Variants in PAICS observed in about 807,000 individuals in gnomAD.
The protein encoded by PAICS is bifunctional phosphoribosylaminoimidazole carboxylase/phosphoribosylaminoimidazole succinocarboxamide synthetase.
Under a neutral mutation model 53.7 loss-of-function variants are expected in PAICS, and 33 were observed. The ratio of observed to expected loss-of-function variants is 0.61; its 90% CI spans 0.47 to 0.82. The LOEUF is 0.82. Among genes scored for constraint, PAICS ranks in the 40% least tolerant of loss-of-function variants. The probability of loss-of-function intolerance (pLI) is 0.00; values close to 1 mark genes in which losing one functional copy is unlikely to be tolerated. For synonymous variants in PAICS, 141 were observed against 167.2 expected (o/e 0.84, Z 1.21); for missense variants, 394 against 494.1 (o/e 0.80, Z 1.92).
intron 8 of PAICS, among the ~76,000 whole-genome samples, chr4:56,457,361 C>T (rs1386330327): frequency 1.3e-5 from 2 of 151,920 alleles, no homozygotes; most frequent in East Asian, 3.9e-4. Context: ...AGCAGTGAGC[C>T]GTGATTGCAC....
the PAICS span, chr4:56,419,676 G>A: frequency 1.0e-6 from 1 of 984,104 alleles, no homozygotes; most frequent in Non-Finnish European, 1.2e-6. Flanking sequence ...TGTAGCAAAT[G>A]AAGGAGGAAA....
At chr4:56,425,401 TA>T in the PAICS span, 1 of 927,242 alleles carries the variant, frequency 1.1e-6, no homozygotes, top group Non-Finnish European at 1.3e-6. Flanking sequence ...AACTTATTAC[TA>T]AAACTTCAGA....
At chr4:56,430,226 C>T in the PAICS span, among the ~76,000 whole-genome samples, 1 of 152,158 alleles carries the variant, frequency 6.6e-6, no homozygotes, top group Non-Finnish European at 1.5e-5. Context: ...CATATGTATG[C>T]ATTTCTGTTG....
chr4:56,441,592 T>G, intron 1 of PAICS, 71 bp from the exon 2 acceptor site: 1 of 610,632 alleles, frequency 1.6e-6, no homozygotes, highest in Non-Finnish European at 2.8e-6. Flanking sequence ...AGATTAATTG[T>G]TCTAGGTGAT....
At chr4:56,444,159 G>A (rs372779057) in intron 2 of PAICS, among the ~76,000 whole-genome samples, 1 of 151,990 alleles carries the variant, frequency 6.6e-6, no homozygotes, top group East Asian at 1.9e-4. Flanking sequence ...AAAGTAGAGA[G>A]GAAAGAGCAT....
rs1474104182 is a variant in PAICS, at chr4:56,448,462, T to A, written c.438T>A (p.Ile146=). ...CACAGTGGTCTGAGGAACAGCTGAT[T>A]GCTGCAAAATTTTGCTTTGCTGGAC... is the stretch of plus-strand genomic sequence containing the variant. The part of the protein sequence containing the change: ...NDPQWSEEQL[I]AAKFCFAGLL... Residue 146 remains isoleucine, a synonymous_variant, in exon 4 of 9, where the codon ATT becomes ATA. Coordinates refer to ENST00000512576, the MANE Select transcript of PAICS (RefSeq NM_001079524.2). The A allele has an allele frequency of 6.2e-7, 1 of 1,611,942 alleles. No individual in the cohort carries two copies. The highest frequency in any genetic ancestry group is 2.2e-5 in the East Asian group (1 of 44,792).
At chr4:56,444,781 G>A (rs1239125962) in intron 2 of PAICS, among the ~76,000 whole-genome samples, 1 of 152,010 alleles carries the variant, frequency 6.6e-6, no homozygotes, top group Non-Finnish European at 1.5e-5. Context: ...TGTGCTTTTG[G>A]TTCTCCTTGG....
chr4:56,433,196 C>G (rs1247349573), upstream of PAICS, among the ~76,000 whole-genome samples: 1 of 151,528 alleles, frequency 6.6e-6, no homozygotes, highest in Non-Finnish European at 1.5e-5. Context: ...GGGTGAGAAC[C>G]AGCCCTCTTT....
chr4:56,440,326 C>T (rs559316626), intron 1 of PAICS, among the ~76,000 whole-genome samples: 1 of 152,306 alleles, frequency 6.6e-6, no homozygotes, highest in Admixed American at 6.5e-5. Flanking sequence ...CTAGACATTA[C>T]ATTAGGGAGG....
intron 8 of PAICS, among the ~76,000 whole-genome samples, chr4:56,456,153 G>A (rs1006876468): frequency 5.9e-5 from 9 of 151,962 alleles, no homozygotes; most frequent in East Asian, 3.9e-4. Flanking sequence ...GTGCAATGGC[G>A]CAATCTCAGC....
the PAICS span, among the ~76,000 whole-genome samples, chr4:56,427,794 T>G: frequency 6.6e-6 from 1 of 152,158 alleles, no homozygotes; most frequent in African/African-American, 2.4e-5. Context: ...CCCAAAATAA[T>G]ACTGGGTCCA....
the PAICS span, among the ~76,000 whole-genome samples, chr4:56,427,186 T>C: frequency 1.3e-5 from 2 of 152,248 alleles, no homozygotes; most frequent in Non-Finnish European, 2.9e-5. Context: ...CTGCTATGAA[T>C]GTGGATGTAT....
chr4:56,415,534 T>C, the PAICS span, among the ~76,000 whole-genome samples: 1 of 152,370 alleles, frequency 6.6e-6, no homozygotes, highest in African/African-American at 2.4e-5. Context: ...GGCATGTTTC[T>C]TTTAAATGAC....
chr4:56,419,625 T>A, the PAICS span: 1 of 969,710 alleles, frequency 1.0e-6, no homozygotes, highest in Non-Finnish European at 1.2e-6. Context: ...TATCTCTACG[T>A]CAGTATTGGA....
At chr4:56,434,920 C>T (rs925586832), upstream of PAICS, among the ~76,000 whole-genome samples, 3 of 152,194 alleles carry the variant, frequency 2.0e-5, no homozygotes, top group Non-Finnish European at 2.9e-5. Context: ...CGCGCGAAAA[C>T]CTTTAGGTGT....
chr4:56,425,799 T>C, the PAICS span, among the ~76,000 whole-genome samples: 1 of 152,174 alleles, frequency 6.6e-6, no homozygotes, highest in Non-Finnish European at 1.5e-5. Context: ...TTGAGTTCCA[T>C]CTTGCAGCCA....
At chr4:56,456,862 C>CT (rs1415292691) in intron 8 of PAICS, among the ~76,000 whole-genome samples, 1 of 151,942 alleles carries the variant, frequency 6.6e-6, no homozygotes, top group Non-Finnish European at 1.5e-5. Context: ...CATATAGTTA[C>CT]TTTCTTCAGC....
intron 8 of PAICS, among the ~76,000 whole-genome samples, chr4:56,458,913 C>T (rs1719360781): frequency 6.6e-6 from 1 of 152,082 alleles, no homozygotes; most frequent in Non-Finnish European, 1.5e-5. Flanking sequence ...TTTTACTGCT[C>T]AAAAATATTA....
chr4:56,445,546 C>T (rs1039759728), intron 2 of PAICS, among the ~76,000 whole-genome samples: 2 of 151,958 alleles, frequency 1.3e-5, no homozygotes, highest in African/African-American at 4.8e-5. Context: ...AAGATCACGC[C>T]ACTGCACTCC....
Sources: gnomAD v4.1 joint callset for allele counts (sites outside exome capture counted in the v4.1 genomes callset) on GRCh38, gnomAD v4.1.1 for gene constraint, MANE v1.5 for transcripts, NCBI Gene and HGNC (gene_info 2026-07-23, HGNC 2026-07-21) for gene names.